Variants in IGFL2 observed in about 807,000 individuals in gnomAD.
The protein encoded by IGFL2 is IGF like family member 2, also known as insulin growth factor-like family member 2.
A neutral mutation model predicts 13.9 loss-of-function variants in IGFL2; 7 were observed. That is an observed-to-expected ratio of 0.51 (90% CI 0.29 to 0.95). The LOEUF (loss-of-function observed/expected upper bound fraction) is 0.95, where lower values mean the gene tolerates loss of function less well. Among genes scored for constraint, IGFL2 ranks in the 40% least tolerant of loss-of-function variants. The pLI is 0.08. For synonymous variants in IGFL2, 55 were observed against 55.8 expected (o/e 0.99, Z 0.07); for missense variants, 138 against 147.8 (o/e 0.93, Z 0.34).
At chr19:46,143,312 A>G (rs1189018146), upstream of IGFL2, 1 of 152,180 alleles carries the variant, frequency 6.6e-6, no homozygotes, top group Non-Finnish European at 1.5e-5. Context: ...GAATATACAA[A>G]CTATGTATTA....
the IGFL2 span, among the ~76,000 whole-genome samples, chr19:46,203,889 G>T: frequency 1.3e-5 from 2 of 151,976 alleles, no homozygotes; most frequent in East Asian, 3.9e-4. Context: ...GCTAATTTTT[G>T]TATTTTTAGT....
the IGFL2 span, among the ~76,000 whole-genome samples, chr19:46,093,455 T>C: frequency 6.6e-6 from 1 of 152,190 alleles, no homozygotes; most frequent in Admixed American, 6.5e-5. Flanking sequence ...TCATATTTAA[T>C]GGTAAAGATG....
At chr19:46,142,115 T>C (rs1600869603), upstream of IGFL2, among the ~76,000 whole-genome samples, 2 of 152,294 alleles carry the variant, frequency 1.3e-5, no homozygotes, top group Non-Finnish European at 2.9e-5. Context: ...CTCTCTGAGC[T>C]ACAGTTTCCT....
the IGFL2 span, among the ~76,000 whole-genome samples, chr19:46,197,596 A>G: frequency 7.9e-5 from 12 of 152,108 alleles, no homozygotes; most frequent in Non-Finnish European, 1.6e-4. Context: ...CAGTGGCTCA[A>G]TCACAGCTCA....
chr19:46,109,252 A>G, the IGFL2 span, among the ~76,000 whole-genome samples: 1 of 152,116 alleles, frequency 6.6e-6, no homozygotes, highest in East Asian at 1.9e-4. Context: ...GTTAGGAGCA[A>G]TGTTTTGTGG....
At chr19:46,175,145 CTAA>C in the IGFL2 span, among the ~76,000 whole-genome samples, 13 of 152,152 alleles carry the variant, frequency 8.5e-5, no homozygotes, top group Non-Finnish European at 1.8e-4. Context: ...TCTCTGAAAA[CTAA>C]TAATGTCTAA....
chr19:46,090,328 T>C, the IGFL2 span, among the ~76,000 whole-genome samples: 3 of 152,236 alleles, frequency 2.0e-5, no homozygotes, highest in African/African-American at 7.2e-5. Context: ...TTATTTTGAA[T>C]TGTTTAGTAA....
intron 1 of IGFL2, among the ~76,000 whole-genome samples, chr19:46,156,900 C>A (rs1296306959): frequency 1.3e-5 from 2 of 151,874 alleles, no homozygotes; most frequent in Non-Finnish European, 2.9e-5. Context: ...GCAAAACTCT[C>A]AAAAATTCAA....
chr19:46,127,387 TAAGA>T, the IGFL2 span, among the ~76,000 whole-genome samples: 4 of 152,024 alleles, frequency 2.6e-5, no homozygotes, highest in East Asian at 5.8e-4. Context: ...AGAAAGAGAA[TAAGA>T]AAGAAAGAAC....
At chr19:46,089,261 C>T in the IGFL2 span, among the ~76,000 whole-genome samples, 2 of 152,194 alleles carry the variant, frequency 1.3e-5, no homozygotes, top group African/African-American at 4.8e-5. Flanking sequence ...AAGCCCACCT[C>T]TACACTTTTA....
At chr19:46,167,084 T>A in the IGFL2 span, among the ~76,000 whole-genome samples, 1 of 152,136 alleles carries the variant, frequency 6.6e-6, no homozygotes, top group Non-Finnish European at 1.5e-5. Context: ...TCTTTACAAT[T>A]TATGTTTAGA....
the IGFL2 span, among the ~76,000 whole-genome samples, chr19:46,127,741 T>G: frequency 5.3e-5 from 8 of 151,878 alleles, no homozygotes; most frequent in African/African-American, 1.9e-4. Context: ...TGCAATTTCT[T>G]TTTTTTTAGA....
chr19:46,111,301 C>A, the IGFL2 span: 1 of 152,094 alleles, frequency 6.6e-6, no homozygotes, highest in African/African-American at 2.4e-5. Context: ...TGGTCCTGTC[C>A]CAATAGTGGC....
At chr19:46,136,139 C>T in the IGFL2 span, among the ~76,000 whole-genome samples, 3 of 152,126 alleles carry the variant, frequency 2.0e-5, no homozygotes, top group African/African-American at 7.2e-5. Context: ...ACCTCTCTAG[C>T]AAAGTTGGGG....
intron 1 of IGFL2, chr19:46,148,811 T>G: frequency 1.4e-6 from 2 of 1,461,296 alleles, no homozygotes; most frequent in East Asian, 2.5e-5. Context: ...GCTCATCAGC[T>G]CTGACTCTTC....
At chr19:46,206,422 C>G in the IGFL2 span, among the ~76,000 whole-genome samples, 1 of 152,200 alleles carries the variant, frequency 6.6e-6, no homozygotes, top group African/African-American at 2.4e-5. Context: ...AATGCCACAC[C>G]CAGTCTCAGC....
At chr19:46,160,094 TA>T (rs1974065685) in intron 1 of IGFL2, 1 of 377,142 alleles carries the variant, frequency 2.7e-6, no homozygotes, top group Admixed American at 4.0e-5. Flanking sequence ...CTTATCACCT[TA>T]ATCTTAACCA....
In IGFL2 at chr19:46,148,980, G is replaced by A. The variant is rs200160449; in HGVS notation, c.19+683G>A. ...GGAGTTCCTGGGCTCTCAGCGCCAG[G>A]AAATCATGAGGTTCAGTGTCTCAGG... On this transcript the variant is annotated intron_variant, in intron 1 of 3. Transcript: ENST00000377693. The A allele has an allele frequency of 4.1e-5, 65 of 1,597,344 alleles. No individual in the cohort carries two copies. The African/African-American group carries it at 8.3e-4, about 20-fold the overall frequency.
At chr19:46,181,061 T>A in the IGFL2 span, among the ~76,000 whole-genome samples, 1 of 152,200 alleles carries the variant, frequency 6.6e-6, no homozygotes, top group Non-Finnish European at 1.5e-5. Flanking sequence ...TCAATCAAGT[T>A]GATACTTAAT....
Sources: allele counts gnomAD v4.1 joint callset (sites outside exome capture counted in the v4.1 genomes callset), GRCh38; gene constraint gnomAD v4.1.1; transcripts MANE v1.5; gene names NCBI Gene and HGNC (gene_info 2026-07-23, HGNC 2026-07-21).